The following DICER1 variants were observed in gnomAD, a reference collection of about 807,000 sequenced individuals.
The protein encoded by DICER1 is endoribonuclease Dicer.
Under a neutral mutation model 194.1 loss-of-function variants are expected in DICER1, and 43 were observed. The observed-to-expected ratio is 0.22, with a 90% CI of 0.17 to 0.29. The LOEUF (loss-of-function observed/expected upper bound fraction) is 0.29, where lower values mean the gene tolerates loss of function less well. Among genes scored for constraint, DICER1 ranks in the 10% least tolerant of loss-of-function variants. The pLI is 1.00. For synonymous variants in DICER1, 832 were observed against 820.5 expected (o/e 1.01, Z -0.24); for missense variants, 1,608 against 2,317.0 (o/e 0.69, Z 6.28).
In DICER1 at chr14:95,095,539, C is replaced by G. The variant is rs1446307638; in HGVS notation, c.5095+286G>C. 9.4e-6 allele frequency: 4 copies of G among 425,200 alleles called. No individual in the cohort carries two copies. In the South Asian group the frequency reaches 9.8e-5, roughly 10 times the overall value. 26.3% of individuals were successfully genotyped at this position (425,200 alleles called of 1,614,324 possible). A position where few individuals can be genotyped will look rare whatever the true frequency, so the allele number is the denominator to read the frequency against. On this transcript the variant is annotated intron_variant, in intron 23 of 26. Transcript: ENST00000343455. ...TTTGCGGAGGATAAAATGGGGAAAACACATCAAAATACTAAGGTTAAAATT... is the reference window on the plus strand; with the variant it reads ...TTTGCGGAGGATAAAATGGGGAAAAGACATCAAAATACTAAGGTTAAAATT...
At chr14:95,136,348 G>A (rs901660966) in intron 1 of DICER1, among the ~76,000 whole-genome samples, 3 of 152,082 alleles carry the variant, frequency 2.0e-5, no homozygotes, top group African/African-American at 4.8e-5. Context: ...CAGTCAAACA[G>A]TGGCTCACTG....
At chr14:95,134,818 G>A (rs1325812774) in intron 1 of DICER1, among the ~76,000 whole-genome samples, 1 of 152,180 alleles carries the variant, frequency 6.6e-6, no homozygotes, top group Non-Finnish European at 1.5e-5. Context: ...CTTTCCAGAA[G>A]GGAACAAGCG....
intron 11 of DICER1, among the ~76,000 whole-genome samples, chr14:95,113,544 G>T (rs1165242044): frequency 6.6e-6 from 1 of 152,110 alleles, no homozygotes; most frequent in Non-Finnish European, 1.5e-5. Flanking sequence ...AACATGTGTC[G>T]AGTGTTACCA....
chr14:95,086,975 A>G lies in DICER1; in HGVS notation c.*3523T>C. The G allele has an allele frequency of 4.3e-6, 1 of 232,998 alleles. No individual in the cohort carries two copies. The highest frequency in any genetic ancestry group is 1.8e-4 in the South Asian group (1 of 5,522). 14.4% of individuals were successfully genotyped at this position (232,998 alleles called of 1,614,324 possible). Reference sequence around the variant, plus strand: ...CATAATTTCAGATGCAGTTAAAAAAAGGTATCAAGGTCTCAGTTTGGTGGC... The same window carrying G: ...CATAATTTCAGATGCAGTTAAAAAAGGGTATCAAGGTCTCAGTTTGGTGGC... On this transcript the variant is annotated 3_prime_UTR_variant, in exon 27 of 27. Coordinates refer to ENST00000343455, the MANE Select transcript of DICER1 (RefSeq NM_177438.3).
intron 21 of DICER1, among the ~76,000 whole-genome samples, chr14:95,102,424 G>A (rs1287683594): frequency 6.6e-6 from 1 of 152,116 alleles, no homozygotes; most frequent in African/African-American, 2.4e-5. Context: ...AGCATTCAAG[G>A]CCTTCCACGA....
chr14:95,095,287 T>TA (rs1329930990), intron 23 of DICER1: 1 of 168,514 alleles, frequency 5.9e-6, no homozygotes, highest in Admixed American at 5.6e-5. Flanking sequence ...GAGGGGCAAA[T>TA]ACAGAGCACA....
chr14:95,124,168 TG>T lies in DICER1; in HGVS notation c.1376+27del. ...AACACAGGACGCCTCCCTGTTCTCA[TG>T]TGAAAGGAGTCAACTTACAGATTTA... On this transcript the variant is annotated intron_variant, in intron 8 of 26. Coordinates refer to ENST00000343455, the MANE Select transcript of DICER1 (RefSeq NM_177438.3). The surrounding 1 kb of genome is among the most constrained non-coding windows in gnomAD (Gnocchi z 4.5). 1 of 1,550,582 alleles carries T rather than the reference TG, an allele frequency of 6.4e-7. No individual in the cohort carries two copies. The highest frequency in any genetic ancestry group is 8.9e-7 in the Non-Finnish European group (1 of 1,124,516).
chr14:95,149,283 G>A (rs1432275648), intron 1 of DICER1, among the ~76,000 whole-genome samples: 3 of 152,224 alleles, frequency 2.0e-5, no homozygotes, highest in Non-Finnish European at 1.5e-5. Flanking sequence ...ACTGAGTTAA[G>A]ATGGATGTTT....
rs1326820760 is a variant in DICER1 at position 95,107,529 on chromosome 14, C to T, written c.2804+79G>A. The T allele has an allele frequency of 7.6e-6, 11 of 1,447,044 alleles. No homozygotes were observed. The Admixed American group carries it at 1.3e-4, about 18-fold the overall frequency. The allele number at this position is 1,447,044 out of a possible 1,614,324, so 89.6% of individuals were successfully genotyped here. A position where few individuals can be genotyped will look rare whatever the true frequency, so the allele number is the denominator to read the frequency against. Reference sequence around the variant, plus strand: ...CCTCCCAAAGTGCTGGGACTGCAGGCGTGAGCCACCGTGCCCGACCTAGTG... The same window carrying T: ...CCTCCCAAAGTGCTGGGACTGCAGGTGTGAGCCACCGTGCCCGACCTAGTG... On this transcript the variant is annotated intron_variant, in intron 17 of 26. Coordinates refer to ENST00000343455, the MANE Select transcript of DICER1 (RefSeq NM_177438.3).
intron 17 of DICER1, among the ~76,000 whole-genome samples, chr14:95,106,760 C>T (rs1891464809): frequency 3.3e-5 from 5 of 151,912 alleles, no homozygotes; most frequent in Admixed American, 3.3e-4. Context: ...AAACTCCATT[C>T]CCTAAATTTT....
In DICER1 at chr14:95,104,975, T is replaced by C. The variant is rs188059193; in HGVS notation, c.3269+96A>G. On this transcript the variant is annotated intron_variant, in intron 20 of 26. Coordinates refer to ENST00000343455, the MANE Select transcript of DICER1 (RefSeq NM_177438.3). ...ATCCATTATTTTCTTTTTACTCTTT[T>C]AAGAATTATTTTATATACAATTTTA... 1.1e-3 allele frequency: 1,410 copies of C among 1,245,616 alleles called. 9 individuals carry two copies. The African/African-American group carries it at 0.018, about 16-fold the overall frequency. The allele number at this position is 1,245,616 out of a possible 1,614,324, so 77.2% of individuals were successfully genotyped here.
intron 24 of DICER1, among the ~76,000 whole-genome samples, chr14:95,091,923 T>C (rs1889880187): frequency 6.6e-6 from 1 of 152,204 alleles, no homozygotes; most frequent in Non-Finnish European, 1.5e-5. Context: ...GTATCTGACA[T>C]AGCATGTATG....
At chr14:95,108,175 T>G in intron 15 of DICER1, 82 bp from the exon 16 acceptor site, 1 of 1,313,780 alleles carries the variant, frequency 7.6e-7, no homozygotes, top group Non-Finnish European at 1.1e-6. Context: ...ACAGAAATGA[T>G]GCTTTCTAGT....
At position 95,131,756 on chromosome 14, in the gene DICER1, C is replaced by G. The variant is rs186747055; in HGVS notation, c.308-117G>C. 3.5e-5 allele frequency: 36 copies of G among 1,021,438 alleles called. No homozygotes were observed. The African/African-American group carries it at 4.6e-4, about 13-fold the overall frequency. The allele number at this position is 1,021,438 out of a possible 1,614,324, so 63.3% of individuals were successfully genotyped here. ...TTATTATTATATTAGACCTAACCAA[C>G]AATGTTTTTGATAGCCTCTTTAAAA... On this transcript the variant is annotated intron_variant, in intron 3 of 26. Coordinates refer to ENST00000343455, the MANE Select transcript of DICER1 (RefSeq NM_177438.3).
intron 20 of DICER1, 136 bp downstream of exon 20, chr14:95,104,935 G>C (rs746616838): frequency 6.9e-5 from 58 of 842,582 alleles, no homozygotes; most frequent in Non-Finnish European, 1.1e-4. Context: ...TCTGAGACTT[G>C]ACAAGACATA....
At chr14:95,107,795 A>C (rs758124814) in intron 16 of DICER1, 34 bp from the exon 17 acceptor site, 1 of 1,612,666 alleles carries the variant, frequency 6.2e-7, no homozygotes, top group Non-Finnish European at 8.5e-7. Flanking sequence ...TAGCTTGTTA[A>C]AACATGATAC....
intron 1 of DICER1, among the ~76,000 whole-genome samples, chr14:95,144,821 T>C (rs1895031941): frequency 6.6e-6 from 1 of 152,188 alleles, no homozygotes; most frequent in South Asian, 2.1e-4. Context: ...CAGGAAAAGT[T>C]CTATGCCTTC....
chr14:95,121,646 G>T (rs191534258), intron 8 of DICER1, among the ~76,000 whole-genome samples: 28 of 152,282 alleles, frequency 1.8e-4, no homozygotes, highest in African/African-American at 6.5e-4. Flanking sequence ...AAGAACACTG[G>T]ACTTGAGACT....
At chr14:95,149,182 TTC>T (rs1895346044) in intron 1 of DICER1, among the ~76,000 whole-genome samples, 1 of 152,206 alleles carries the variant, frequency 6.6e-6, no homozygotes, top group Admixed American at 6.5e-5. Context: ...AGCCACAATT[TTC>T]TCTTTGTCAA....
Sources: allele counts gnomAD v4.1 joint callset (sites outside exome capture counted in the v4.1 genomes callset), GRCh38; gene constraint gnomAD v4.1.1; non-coding constraint Gnocchi (gnomAD v3.1); transcripts MANE v1.5; gene names NCBI Gene and HGNC (gene_info 2026-07-23, HGNC 2026-07-21).